The following RALGPS1 variants were observed in gnomAD, a reference collection of about 807,000 sequenced individuals.
RALGPS1 encodes Ral GEF with PH domain and SH3 binding motif 1.
In RALGPS1, 19 loss-of-function variants were observed where a neutral mutation model predicts 78.8. The ratio of observed to expected loss-of-function variants is 0.24; its 90% CI spans 0.17 to 0.35. The LOEUF (loss-of-function observed/expected upper bound fraction) is 0.35, where lower values mean the gene tolerates loss of function less well. Among genes scored for constraint, RALGPS1 ranks in the 10% least tolerant of loss-of-function variants. RALGPS1 has a pLI of 1.00. For missense variants in RALGPS1, 454 were observed against 688.3 expected (o/e 0.66, Z 3.81); for synonymous variants, 228 against 256.3 (o/e 0.89, Z 1.06).
intron 8 of RALGPS1, among the ~76,000 whole-genome samples, chr9:127,080,342 T>G (rs2051061595): frequency 6.6e-6 from 1 of 152,230 alleles, no homozygotes. Context: ...CATTGCTTGT[T>G]GTAAAAATTA....
At chr9:127,027,258 G>A (rs1589098043) in intron 4 of RALGPS1, among the ~76,000 whole-genome samples, 2 of 152,144 alleles carry the variant, frequency 1.3e-5, no homozygotes, top group South Asian at 2.1e-4. Context: ...TTTGTCAGAG[G>A]GGTCTTGGGA....
At chr9:127,088,755 G>T in intron 8 of RALGPS1, 1 of 674,752 alleles carries the variant, frequency 1.5e-6, no homozygotes, top group Non-Finnish European at 2.5e-6. Flanking sequence ...AAGTAGGAGG[G>T]ACAGAAAACA....
chr9:127,071,023 A>ATC (rs368013720), intron 8 of RALGPS1, among the ~76,000 whole-genome samples: 56 of 148,384 alleles, frequency 3.8e-4, no homozygotes, highest in East Asian at 3.3e-3. Flanking sequence ...ATAAATTTGA[A>ATC]TCTCTCTCTC....
At chr9:127,173,885 C>T (rs879529968) in intron 10 of RALGPS1, among the ~76,000 whole-genome samples, 30 of 152,052 alleles carry the variant, frequency 2.0e-4, no homozygotes, top group Admixed American at 3.3e-4. Context: ...TGGTGGCACA[C>T]GCCTGTAATC....
intron 4 of RALGPS1, among the ~76,000 whole-genome samples, chr9:126,979,240 TA>T (rs2040987535): frequency 5.1e-5 from 4 of 78,338 alleles, no homozygotes; most frequent in Middle Eastern, 4.8e-3. Flanking sequence ...ATTGTATTAT[TA>T]TGTGTGTGTG....
rs1394521229 is a variant in RALGPS1, at chr9:126,915,231, C to G, written c.-66+256C>G. Among the ~76,000 whole-genome samples, 7 of 137,880 alleles carry G rather than the reference C, an allele frequency of 5.1e-5. No homozygotes were observed. The East Asian group carries it at 1.5e-3, about 30-fold the overall frequency. The allele number at this position is 137,880 out of a possible 152,430, so 90.5% of individuals were successfully genotyped here. ...GGTCCGGGGCCAGGGGCGCGCTGGT[C>G]CCCGGGAGCGTGAAGGACGGCGGGG... On this transcript the variant is annotated intron_variant, in intron 1 of 18. Transcript: ENST00000259351.
intron 8 of RALGPS1, among the ~76,000 whole-genome samples, chr9:127,080,142 G>A (rs959381496): frequency 3.3e-5 from 5 of 152,140 alleles, no homozygotes; most frequent in African/African-American, 1.2e-4. Context: ...ATGGGTGCCT[G>A]GGGATGACTG....
At chr9:127,142,365 G>A (rs2057839425) in intron 8 of RALGPS1, among the ~76,000 whole-genome samples, 1 of 152,210 alleles carries the variant, frequency 6.6e-6, no homozygotes, top group South Asian at 2.1e-4. Context: ...CGAGTGGTCT[G>A]TGAGATGGGT....
At chr9:127,092,007 C>G in intron 8 of RALGPS1, 1 of 1,574,166 alleles carries the variant, frequency 6.4e-7, no homozygotes, top group Non-Finnish European at 8.6e-7. Flanking sequence ...GCTTGGCTGT[C>G]AGACACTCAG....
intron 4 of RALGPS1, among the ~76,000 whole-genome samples, chr9:127,030,227 T>G (rs2046313022): frequency 6.6e-6 from 1 of 152,208 alleles, no homozygotes; most frequent in Non-Finnish European, 1.5e-5. Flanking sequence ...AAACTTGGGC[T>G]GGACACAGAC....
Position 127,091,956 on chromosome 9 carries a change from G to T in RALGPS1, c.610+22600G>T, listed in dbSNP as rs543905086. 5.0e-6 allele frequency: 8 copies of T among 1,612,584 alleles called. No homozygotes were observed. The East Asian group carries it at 1.3e-4, about 27-fold the overall frequency. ...CAAACCCTTGCTGGGGAAAACCCAG[G>T]AGAGTGTTAATGTGGAGCCTGCAGC... On this transcript the variant is annotated intron_variant, in intron 8 of 18. Coordinates refer to ENST00000259351, the MANE Select transcript of RALGPS1 (RefSeq NM_014636.3). This position sits in a 1 kb window ranked among gnomAD's most constrained non-coding sequence, Gnocchi z 4.3.
At chr9:127,216,901 C>T in intron 18 of RALGPS1, 1 of 1,539,032 alleles carries the variant, frequency 6.5e-7, no homozygotes, top group Non-Finnish European at 8.8e-7. Flanking sequence ...CCCTACCACA[C>T]ACAGGAAGCC....
intron 4 of RALGPS1, among the ~76,000 whole-genome samples, chr9:127,005,867 C>T (rs77698540): frequency 0.012 from 1,899 of 152,250 alleles, 44 homozygotes; most frequent in African/African-American, 0.044. Flanking sequence ...CAAGAGGAGA[C>T]GTGGGTGGAC....
chr9:127,209,695 G>A (rs2130865747), intron 14 of RALGPS1, among the ~76,000 whole-genome samples: 1 of 152,260 alleles, frequency 6.6e-6, no homozygotes, highest in Admixed American at 6.5e-5. Context: ...CTGGACAGTG[G>A]ACCCGAGATG....
chr9:126,975,101 AG>A (rs1483348208), intron 3 of RALGPS1, among the ~76,000 whole-genome samples: 1 of 152,198 alleles, frequency 6.6e-6, no homozygotes, highest in Non-Finnish European at 1.5e-5. Context: ...GATCTTTGTA[AG>A]TATCTTGTAT....
At chr9:127,115,390 A>G (rs1343927912) in intron 8 of RALGPS1, among the ~76,000 whole-genome samples, 1 of 152,172 alleles carries the variant, frequency 6.6e-6, no homozygotes, top group African/African-American at 2.4e-5. Context: ...GGGTTTCGCC[A>G]TGCTGGTTGC....
chr9:127,191,688 G>C (rs547609244), intron 11 of RALGPS1, among the ~76,000 whole-genome samples: 3 of 145,232 alleles, frequency 2.1e-5, no homozygotes, highest in African/African-American at 7.6e-5. Flanking sequence ...TTTGTTTTTT[G>C]GGTTTTTTTT....
At chr9:127,174,848 C>T in intron 11 of RALGPS1, 66 bp downstream of exon 11, 2 of 1,495,596 alleles carry the variant, frequency 1.3e-6, no homozygotes, top group South Asian at 2.3e-5. Flanking sequence ...CCAGAGTTGG[C>T]CTTGACCGGG....
chr9:126,965,721 A>G (rs1038534362), intron 2 of RALGPS1, 123 bp from the exon 3 acceptor site: 12 of 699,928 alleles, frequency 1.7e-5, no homozygotes, highest in African/African-American at 7.1e-5. Flanking sequence ...GCTCTAATCA[A>G]TAGAAGCCAT....
Sources: allele counts gnomAD v4.1 joint callset (sites outside exome capture counted in the v4.1 genomes callset), GRCh38; gene constraint gnomAD v4.1.1; non-coding constraint Gnocchi (gnomAD v3.1); transcripts MANE v1.5; gene names NCBI Gene and HGNC (gene_info 2026-07-23, HGNC 2026-07-21).